CABIN1: variants seen among roughly 807,000 people sequenced by gnomAD.
CABIN1 encodes the protein calcineurin binding protein 1.
A neutral mutation model predicts 227.7 loss-of-function variants in CABIN1; 133 were observed. The ratio of observed to expected loss-of-function variants is 0.58; its 90% CI spans 0.51 to 0.67. The LOEUF (loss-of-function observed/expected upper bound fraction) is 0.67, where lower values mean the gene tolerates loss of function less well. Ranked by LOEUF, CABIN1 falls within the 30% of genes least tolerant of loss-of-function variation. CABIN1 has a pLI of 0.00. For missense variants in CABIN1, 2,408 were observed against 2,852.5 expected, an observed-to-expected ratio of 0.84 and a Z score of 3.55; for synonymous variants, 1,086 against 1,155.1, an observed-to-expected ratio of 0.94 and a Z score of 1.21.
chr22:24,156,003 C>A, intron 29 of CABIN1: 1 of 570,130 alleles, frequency 1.8e-6, no homozygotes, highest in Non-Finnish European at 3.1e-6. Flanking sequence ...AGCGAGAGAG[C>A]GAACGAGCCT....
At chr22:24,079,023 A>G (rs2040629028) in intron 19 of CABIN1, among the ~76,000 whole-genome samples, 1 of 152,170 alleles carries the variant, frequency 6.6e-6, no homozygotes. Context: ...CATTGATACA[A>G]GTACATCTAG....
chr22:24,061,943 G>T lies in CABIN1; in HGVS notation c.1618-4G>T, dbSNP rs1383961014. 2 of 1,612,928 alleles carry T rather than the reference G, an allele frequency of 1.2e-6. No homozygotes were observed. The highest frequency in any genetic ancestry group is 2.7e-5 in the African/African-American group (2 of 74,880). On this transcript the variant is annotated splice_polypyrimidine_tract_variant and splice_region_variant and intron_variant, in intron 12 of 36. Transcript: ENST00000263119. ...TTCTTGACCTTCCTGTGTCTGTCCT[G>T]CAGGACATGATGCTGATGTCTCTCT...
Position 24,084,573 on chromosome 22 carries a change from T to C in CABIN1, c.2911-6T>C. The C allele has an allele frequency of 6.2e-7, 1 of 1,613,286 alleles. No individual in the cohort carries two copies. The highest frequency in any genetic ancestry group is 1.3e-5 in the African/African-American group (1 of 75,048). On this transcript the variant is annotated splice_region_variant and splice_polypyrimidine_tract_variant and intron_variant, in intron 20 of 36. Coordinates refer to ENST00000263119, the MANE Select transcript of CABIN1 (RefSeq NM_012295.4). ...TTACTAATCTGCCTTCTGTCTTTTT[T>C]TCAAGGTGGATCTTATATGGGAGGA...
chr22:24,042,873 T>C (rs555401141), intron 5 of CABIN1, 31 bp from the exon 6 acceptor site: 1 of 1,418,634 alleles, frequency 7.0e-7, no homozygotes. Context: ...TGTGTGTGTG[T>C]GTGTTTGCCC....
chr22:24,084,807 C>T (rs368883429), intron 21 of CABIN1, 22 bp downstream of exon 21: 33 of 1,608,000 alleles, frequency 2.1e-5, no homozygotes, highest in East Asian at 6.7e-5. Context: ...ACCTTGAGGA[C>T]GTGGGGGACA....
chr22:24,137,488 G>A (rs1371985642), intron 29 of CABIN1, among the ~76,000 whole-genome samples: 2 of 152,242 alleles, frequency 1.3e-5, no homozygotes, highest in Non-Finnish European at 2.9e-5. Flanking sequence ...CATAGGCAAT[G>A]CCATCCCTGC....
intron 32 of CABIN1, among the ~76,000 whole-genome samples, chr22:24,167,930 C>T (rs756745049): frequency 8.5e-5 from 13 of 152,260 alleles, no homozygotes; most frequent in African/African-American, 2.9e-4. Flanking sequence ...CCTGGGATTC[C>T]GAAAGGCCTC....
At chr22:24,069,112 G>A (rs1414999508) in intron 16 of CABIN1, among the ~76,000 whole-genome samples, 2 of 152,218 alleles carry the variant, frequency 1.3e-5, no homozygotes, top group East Asian at 1.9e-4. Context: ...TCCTGTGGGT[G>A]TATAGTGGCG....
chr22:24,066,813 T>TA (rs1359222181), intron 15 of CABIN1, among the ~76,000 whole-genome samples, 174 bp from the exon 16 acceptor site: 2 of 152,210 alleles, frequency 1.3e-5, no homozygotes, highest in African/African-American at 4.8e-5. Context: ...TTTTAACACA[T>TA]ACGTTTAGTG....
intron 25 of CABIN1, 119 bp downstream of exon 25, chr22:24,096,201 A>G (rs1314973508): frequency 3.4e-6 from 4 of 1,191,540 alleles, no homozygotes; most frequent in Non-Finnish European, 3.7e-6. Context: ...ACTAGAACTC[A>G]TGGAGTCCCT....
chr22:24,069,696 G>A (rs1450847938), intron 16 of CABIN1, among the ~76,000 whole-genome samples: 2 of 152,184 alleles, frequency 1.3e-5, no homozygotes, highest in Admixed American at 1.3e-4. Context: ...CCTGGTAAAG[G>A]CTGCTGGCTT....
intron 24 of CABIN1, among the ~76,000 whole-genome samples, chr22:24,092,973 G>A (rs949570705): frequency 1.3e-5 from 2 of 152,154 alleles, no homozygotes; most frequent in Admixed American, 6.5e-5. Flanking sequence ...GTTTAGCAGG[G>A]CGTTTGTTTA....
chr22:24,100,911 A>C (rs1480973054), intron 26 of CABIN1, among the ~76,000 whole-genome samples: 1 of 152,234 alleles, frequency 6.6e-6, no homozygotes, highest in Non-Finnish European at 1.5e-5. Flanking sequence ...GGAGTTCTCC[A>C]AGTCATTGGT....
chr22:24,027,417 G>A (rs963558691), intron 1 of CABIN1, among the ~76,000 whole-genome samples: 1 of 152,182 alleles, frequency 6.6e-6, no homozygotes, highest in African/African-American at 2.4e-5. Context: ...TTGTGGAATA[G>A]GACAGATGAC....
intron 9 of CABIN1, 151 bp downstream of exon 9, chr22:24,055,310 G>A: frequency 1.1e-6 from 1 of 931,738 alleles, no homozygotes; most frequent in Non-Finnish European, 1.6e-6. Flanking sequence ...AGCCCTAGAG[G>A]AGCCTCTCAG....
intron 29 of CABIN1, among the ~76,000 whole-genome samples, chr22:24,161,725 A>T (rs552522830): frequency 9.2e-5 from 14 of 152,146 alleles, no homozygotes; most frequent in Admixed American, 7.2e-4. Context: ...CACATTCTCC[A>T]CACCCTCCCT....
At chr22:24,047,233 A>T (rs541365257) in intron 6 of CABIN1, among the ~76,000 whole-genome samples, 12 of 152,342 alleles carry the variant, frequency 7.9e-5, no homozygotes, top group Non-Finnish European at 1.8e-4. Context: ...AAAACAAAAA[A>T]TTAAAGCAGC....
chr22:24,082,916 TC>T (rs2040901872), intron 19 of CABIN1, among the ~76,000 whole-genome samples: 1 of 152,236 alleles, frequency 6.6e-6, no homozygotes, highest in African/African-American at 2.4e-5. Flanking sequence ...TGAGTGAAGT[TC>T]CCAGGAGGCA....
At chr22:24,031,187 G>C (rs1314419311) in intron 1 of CABIN1, among the ~76,000 whole-genome samples, 2 of 152,146 alleles carry the variant, frequency 1.3e-5, no homozygotes, top group Non-Finnish European at 2.9e-5. Flanking sequence ...CCATGACTTA[G>C]AGCTAGCACG....
Sources: allele counts gnomAD v4.1 joint callset (sites outside exome capture counted in the v4.1 genomes callset), GRCh38; gene constraint gnomAD v4.1.1; transcripts MANE v1.5; gene names NCBI Gene and HGNC (gene_info 2026-07-23, HGNC 2026-07-21).